RGMB: variants seen among roughly 807,000 people sequenced by gnomAD.
RGMB encodes the protein repulsive guidance molecule BMP co-receptor b, also known as repulsive guidance molecule B.
Under a neutral mutation model 26.9 loss-of-function variants are expected in RGMB, and 16 were observed. The ratio of observed to expected loss-of-function variants is 0.60; its 90% CI spans 0.40 to 0.90. The LOEUF is 0.90. Ranked by LOEUF, RGMB falls within the 40% of genes least tolerant of loss-of-function variation. RGMB has a pLI of 0.00. For synonymous variants in RGMB, 225 were observed against 229.3 expected (o/e 0.98, Z 0.17); for missense variants, 512 against 573.3 (o/e 0.89, Z 1.09).
In RGMB at chr5:98,790,546, T is replaced by G. The variant is rs75586842; in HGVS notation, c.646-2539T>G. Among the ~76,000 whole-genome samples, 1,155 of 152,312 alleles carry G rather than the reference T, an allele frequency of 7.6e-3. 6 individuals carry two copies. The highest frequency in any genetic ancestry group is 0.023 in the South Asian group (113 of 4,828). On this transcript the variant is annotated intron_variant, in intron 2 of 2. Coordinates refer to ENST00000513185, the MANE Select transcript of RGMB (RefSeq NM_001366508.1). ...ACAATACTGTGGGAGGTGTTTGAAA[T>G]GAATCCTGAGTTCCTGAGTTGGAAT...
chr5:98,784,878 G>A (rs190231360), intron 2 of RGMB, among the ~76,000 whole-genome samples: 1 of 152,268 alleles, frequency 6.6e-6, no homozygotes, highest in Admixed American at 6.5e-5. Context: ...TAAAGAGGGG[G>A]ACGCATGGTA....
Position 98,779,836 on chromosome 5 carries a change from C to T in RGMB, c.393C>T (p.Asn131=). Residue 131 remains asparagine (N), a synonymous_variant, in exon 2 of 3, where the codon AAC becomes AAT. Transcript: ENST00000513185. ...CSKDGPTSST[N]PEVTHDPCNY... is the part of the protein sequence containing the mutation. ...AGGATGGACCCACATCCTCTACCAA[C>T]CCCGAAGTGACCCATGATCCTTGCA... 6.2e-7 allele frequency: 1 copy of T among 1,614,062 alleles called. No homozygotes were observed. Among genetic ancestry groups the T allele is most frequent in the South Asian group, 1.1e-5 (1 of 91,086 alleles).
rs2112384459 is a variant in RGMB, at chr5:98,794,121, A to C, written c.*368A>C. ...TGCAGCGTTTCCTTTGAAGGTGACC[A>C]GTTGTTTGTAGCTATTCTTGGCTGT... On this transcript the variant is annotated 3_prime_UTR_variant, in exon 3 of 3. Transcript: ENST00000513185. The C allele has an allele frequency of 6.3e-6, 1 of 159,012 alleles. No individual in the cohort carries two copies. The highest frequency in any genetic ancestry group is 1.9e-4 in the South Asian group (1 of 5,302). The allele number at this position is 159,012 out of a possible 1,614,324, so 9.9% of individuals were successfully genotyped here.
chr5:98,775,271 TG>T (rs923868137), intron 1 of RGMB, among the ~76,000 whole-genome samples: 6 of 152,022 alleles, frequency 3.9e-5, no homozygotes, highest in African/African-American at 1.2e-4. Context: ...TTTTAAGTAA[TG>T]GGGGGGAAAA....
chr5:98,774,398 C>G (rs1746317062), intron 1 of RGMB, among the ~76,000 whole-genome samples, 192 bp downstream of exon 1: 1 of 152,200 alleles, frequency 6.6e-6, no homozygotes, highest in Non-Finnish European at 1.5e-5. Context: ...GGGCGGCCGC[C>G]GGGCGCAGAG....
upstream of RGMB, chr5:98,769,005 A>G (rs895805188): frequency 5.3e-5 from 8 of 152,178 alleles, no homozygotes; most frequent in African/African-American, 1.9e-4. Context: ...ACAATCGCCC[A>G]CCAGGAATCG....
chr5:98,774,639 G>T (rs1267816079), intron 1 of RGMB, among the ~76,000 whole-genome samples: 3 of 152,246 alleles, frequency 2.0e-5, no homozygotes, highest in African/African-American at 7.2e-5. Flanking sequence ...CTTTTCTGGA[G>T]TTGGGGGTGG....
intron 2 of RGMB, among the ~76,000 whole-genome samples, chr5:98,791,027 C>G (rs1746913042): frequency 6.6e-6 from 1 of 152,124 alleles, no homozygotes; most frequent in Non-Finnish European, 1.5e-5. Flanking sequence ...TTAGAGCCAC[C>G]AAATAAATCT....
chr5:98,775,469 T>C (rs1353908004), intron 1 of RGMB, among the ~76,000 whole-genome samples: 1 of 152,222 alleles, frequency 6.6e-6, no homozygotes, highest in Non-Finnish European at 1.5e-5. Flanking sequence ...CTGCATGTAG[T>C]TACGTGGAAA....
At chr5:98,786,476 G>A (rs1458339143) in intron 2 of RGMB, among the ~76,000 whole-genome samples, 1 of 152,210 alleles carries the variant, frequency 6.6e-6, no homozygotes. Flanking sequence ...ATTTTGAGGG[G>A]AAGGGGTGAG....
intron 2 of RGMB, among the ~76,000 whole-genome samples, chr5:98,789,709 G>A (rs939676894): frequency 2.0e-4 from 31 of 152,146 alleles, no homozygotes; most frequent in Non-Finnish European, 4.6e-4. Context: ...GAGAGGGGCT[G>A]GGTGGAGGAG....
upstream of RGMB, among the ~76,000 whole-genome samples, chr5:98,771,409 C>T (rs1262245444): frequency 6.6e-6 from 1 of 152,124 alleles, no homozygotes; most frequent in Non-Finnish European, 1.5e-5. Context: ...GGAGTGGCTG[C>T]GGTATAAGCG....
At chr5:98,786,909 G>C (rs1459331560) in intron 2 of RGMB, among the ~76,000 whole-genome samples, 1 of 152,174 alleles carries the variant, frequency 6.6e-6, no homozygotes, top group African/African-American at 2.4e-5. Flanking sequence ...AAGAGTTGGA[G>C]CCAAAAGAAC....
chr5:98,789,473 AAT>A (rs1746859333), intron 2 of RGMB, among the ~76,000 whole-genome samples: 1 of 146,900 alleles, frequency 6.8e-6, no homozygotes, highest in African/African-American at 2.5e-5. Context: ...ATTTTCATTT[AAT>A]ATGTTTTTTT....
At position 98,774,169 on chromosome 5, in the gene RGMB, G is replaced by C. The variant is rs1746300947; in HGVS notation, c.99G>C (p.Leu33=). The change falls in exon 1 of 3, where the codon CTG becomes CTC. Residue 33 remains leucine, a synonymous_variant. Transcript: ENST00000513185. ...PGLCPPPLEL[L]LLLLFSLGLL... Reference sequence around the variant, plus strand: ...TCTGCCCCCCGCCGCTGGAGCTGCTGCTGCTGCTGCTGTTCAGCCTCGGGC... The same window carrying C: ...TCTGCCCCCCGCCGCTGGAGCTGCTCCTGCTGCTGCTGTTCAGCCTCGGGC... 6.7e-7 allele frequency: 1 copy of C among 1,499,428 alleles called. No homozygotes were observed. The highest frequency in any genetic ancestry group is 2.1e-5 in the Admixed American group (1 of 47,292). 92.9% of individuals were successfully genotyped at this position (1,499,428 alleles called of 1,614,324 possible).
intron 2 of RGMB, among the ~76,000 whole-genome samples, chr5:98,790,427 G>A (rs1484483397): frequency 6.6e-6 from 1 of 152,168 alleles, no homozygotes; most frequent in Non-Finnish European, 1.5e-5. Flanking sequence ...AGGTTAACTA[G>A]GATATTTTGT....
chr5:98,777,567 T>A (rs192202351), intron 1 of RGMB, among the ~76,000 whole-genome samples: 153 of 152,336 alleles, frequency 1.0e-3, no homozygotes, highest in African/African-American at 3.6e-3. Flanking sequence ...GCTAGCTGTT[T>A]TATGATTCTG....
intron 1 of RGMB, among the ~76,000 whole-genome samples, chr5:98,778,731 G>T (rs140686792): frequency 6.6e-6 from 1 of 152,192 alleles, no homozygotes; most frequent in African/African-American, 2.4e-5. Flanking sequence ...AGCATCATTT[G>T]GAAATTGATT....
chr5:98,769,168 T>G (rs1157463829), upstream of RGMB: 2 of 151,072 alleles, frequency 1.3e-5, no homozygotes, highest in Non-Finnish European at 2.9e-5. Flanking sequence ...CGCGGGGGTC[T>G]GCGGCGCCCC....
Sources: gnomAD v4.1 joint callset for allele counts (sites outside exome capture counted in the v4.1 genomes callset) on GRCh38, gnomAD v4.1.1 for gene constraint, MANE v1.5 for transcripts, NCBI Gene and HGNC (gene_info 2026-07-23, HGNC 2026-07-21) for gene names.